LINGO2: variants seen among roughly 807,000 people sequenced by gnomAD.
LINGO2 encodes the protein leucine-rich repeat and immunoglobulin-like domain-containing nogo receptor-interacting protein 2.
Under a neutral mutation model 30.6 loss-of-function variants are expected in LINGO2, and 14 were observed. The observed-to-expected ratio is 0.46, with a 90% CI of 0.30 to 0.72. The LOEUF is 0.72. Ranked by LOEUF, LINGO2 falls within the 30% of genes least tolerant of loss-of-function variation. LINGO2 has a pLI of 0.07. For missense variants in LINGO2, 729 were observed against 751.7 expected, an observed-to-expected ratio of 0.97 and a Z score of 0.35; for synonymous variants, 317 against 288.5, an observed-to-expected ratio of 1.10 and a Z score of -1.00.
At chr9:28,498,425 G>C (rs1049004339) in intron 1 of LINGO2, among the ~76,000 whole-genome samples, 2 of 152,192 alleles carry the variant, frequency 1.3e-5, no homozygotes, top group Admixed American at 1.3e-4. Context: ...CTAGCAATGA[G>C]CGAGCTTCTG....
At chr9:27,951,260 A>G (rs1031265439) in intron 5 of LINGO2, among the ~76,000 whole-genome samples, 3 of 152,164 alleles carry the variant, frequency 2.0e-5, no homozygotes, top group African/African-American at 7.2e-5. Context: ...TCATGTATAC[A>G]TTTTCTACTT....
chr9:28,737,863 C>T, the LINGO2 span, among the ~76,000 whole-genome samples: 1 of 152,022 alleles, frequency 6.6e-6, no homozygotes, highest in East Asian at 1.9e-4. Flanking sequence ...AAATTTGAAC[C>T]CTGGCAATGA....
At chr9:28,586,130 T>C (rs541172716) in intron 1 of LINGO2, among the ~76,000 whole-genome samples, 2 of 152,190 alleles carry the variant, frequency 1.3e-5, no homozygotes, top group African/African-American at 4.8e-5. Flanking sequence ...AGTTTATTTA[T>C]GAATTTTAAA....
At chr9:28,976,683 T>A in the LINGO2 span, among the ~76,000 whole-genome samples, 1 of 152,096 alleles carries the variant, frequency 6.6e-6, no homozygotes, top group Non-Finnish European at 1.5e-5. Context: ...ATATAAGATA[T>A]TGGTGTTAAC....
intron 4 of LINGO2, among the ~76,000 whole-genome samples, chr9:28,123,275 T>A (rs546178161): frequency 3.3e-5 from 5 of 152,220 alleles, no homozygotes; most frequent in Non-Finnish European, 7.3e-5. Flanking sequence ...GGAAATCTAA[T>A]TAATAAAATA....
rs145634820 is a variant in LINGO2, at chr9:28,516,691, G to T, written c.-364-40666C>A. ...AATATTTGATATTCTCATCAACATC[G>T]CTGTTGTTGCAGTGTTACTGACACT... is the stretch of plus-strand genomic sequence containing the variant. On this transcript the variant is annotated intron_variant, in intron 1 of 5. Coordinates refer to ENST00000379992, the Ensembl canonical transcript of LINGO2. 1.7e-3 allele frequency among the ~76,000 whole-genome samples: 262 copies of T among 152,218 alleles called. 1 individual carries two copies. Among genetic ancestry groups the T allele is most frequent in the Non-Finnish European group, 3.3e-3 (226 of 68,018 alleles).
At chr9:28,409,233 C>T (rs762923818) in intron 2 of LINGO2, among the ~76,000 whole-genome samples, 2 of 152,168 alleles carry the variant, frequency 1.3e-5, no homozygotes, top group African/African-American at 2.4e-5. Flanking sequence ...TCTGTGATCC[C>T]GCTACAGGAT....
chr9:28,709,789 TA>T, the LINGO2 span, among the ~76,000 whole-genome samples: 1 of 151,946 alleles, frequency 6.6e-6, no homozygotes, highest in Non-Finnish European at 1.5e-5. Context: ...CTTACACAAA[TA>T]TACTCAGCAT....
chr9:29,020,298 C>T, the LINGO2 span, among the ~76,000 whole-genome samples: 3 of 152,124 alleles, frequency 2.0e-5, no homozygotes, highest in Admixed American at 6.6e-5. Flanking sequence ...ACACGATATA[C>T]CACATAGTAC....
intron 3 of LINGO2, among the ~76,000 whole-genome samples, chr9:28,327,147 A>G (rs1410493155): frequency 6.6e-6 from 1 of 152,136 alleles, no homozygotes. Flanking sequence ...GGTGCCATCC[A>G]TGAGAAACAG....
chr9:28,806,101 G>A, the LINGO2 span, among the ~76,000 whole-genome samples: 2 of 152,008 alleles, frequency 1.3e-5, no homozygotes, highest in East Asian at 1.9e-4. Flanking sequence ...ATTTGGTCCA[G>A]GTGAAGACAT....
the LINGO2 span, among the ~76,000 whole-genome samples, chr9:28,990,778 G>A: frequency 2.0e-5 from 3 of 152,076 alleles, no homozygotes; most frequent in Non-Finnish European, 4.4e-5. Flanking sequence ...AACTCCAACA[G>A]ACCTGCAGCT....
At chr9:28,045,447 C>T (rs1212172680) in intron 4 of LINGO2, among the ~76,000 whole-genome samples, 1 of 152,124 alleles carries the variant, frequency 6.6e-6, no homozygotes, top group African/African-American at 2.4e-5. Context: ...CTTTGCATAT[C>T]TGAATGTTGT....
At chr9:28,213,182 C>A (rs928666939) in intron 4 of LINGO2, among the ~76,000 whole-genome samples, 2 of 151,448 alleles carry the variant, frequency 1.3e-5, no homozygotes, top group African/African-American at 4.8e-5. Context: ...TACATGCCTT[C>A]AAAGCTAAGT....
chr9:28,105,333 C>A (rs932602476), intron 4 of LINGO2, among the ~76,000 whole-genome samples: 1 of 152,070 alleles, frequency 6.6e-6, no homozygotes, highest in African/African-American at 2.4e-5. Context: ...TTTCTGGTGT[C>A]CTGTTTGTGC....
At chr9:28,947,307 T>A in the LINGO2 span, among the ~76,000 whole-genome samples, 1 of 152,250 alleles carries the variant, frequency 6.6e-6, no homozygotes, top group African/African-American at 2.4e-5. Flanking sequence ...TTTTAAATAT[T>A]CATCCAAGGA....
intron 1 of LINGO2, among the ~76,000 whole-genome samples, chr9:28,491,052 G>A (rs1387944145): frequency 2.0e-5 from 3 of 152,146 alleles, no homozygotes; most frequent in African/African-American, 7.2e-5. Context: ...GGTTAACTTT[G>A]GAAAAGTGAG....
the LINGO2 span, among the ~76,000 whole-genome samples, chr9:28,878,310 G>C: frequency 4.6e-5 from 7 of 152,050 alleles, no homozygotes; most frequent in Non-Finnish European, 1.0e-4. Flanking sequence ...TCTCCGAATA[G>C]ACCAATAACA....
At chr9:29,034,365 C>T in the LINGO2 span, among the ~76,000 whole-genome samples, 1 of 151,958 alleles carries the variant, frequency 6.6e-6, no homozygotes, top group Non-Finnish European at 1.5e-5. Context: ...TATATTTTAA[C>T]ATTAAATACT....
Sources: gnomAD v4.1 joint callset for allele counts (sites outside exome capture counted in the v4.1 genomes callset) on GRCh38, gnomAD v4.1.1 for gene constraint, MANE v1.5 for transcripts, NCBI Gene and HGNC (gene_info 2026-07-23, HGNC 2026-07-21) for gene names.